SCAPER: variants seen among roughly 807,000 people sequenced by gnomAD.
SCAPER encodes S phase cyclin A-associated protein in the endoplasmic reticulum.
Under a neutral mutation model 182.2 loss-of-function variants are expected in SCAPER, and 98 were observed. The observed-to-expected ratio is 0.54, with a 90% CI of 0.46 to 0.64. The LOEUF is 0.64. Among genes scored for constraint, SCAPER ranks in the 30% least tolerant of loss-of-function variants. The pLI, the probability that SCAPER is intolerant of heterozygous loss-of-function variation, is 0.00. For synonymous variants in SCAPER, 605 were observed against 564.6 expected, an observed-to-expected ratio of 1.07 and a Z score of -1.01; for missense variants, 1,432 against 1,690.0, an observed-to-expected ratio of 0.85 and a Z score of 2.68.
At chr15:76,407,718 CATT>C (rs1256590728) in intron 26 of SCAPER, among the ~76,000 whole-genome samples, 4 of 152,136 alleles carry the variant, frequency 2.6e-5, no homozygotes, top group Non-Finnish European at 5.9e-5. Flanking sequence ...ACATGATTGA[CATT>C]ATACCGAATT....
intron 21 of SCAPER, among the ~76,000 whole-genome samples, chr15:76,626,394 GGAA>G (rs1333095780): frequency 2.0e-5 from 3 of 152,318 alleles, no homozygotes; most frequent in Non-Finnish European, 4.4e-5. Flanking sequence ...GTCTGCAGAA[GGAA>G]GAAGATGACA....
intron 5 of SCAPER, among the ~76,000 whole-genome samples, chr15:76,809,699 G>A (rs2066446504): frequency 6.6e-6 from 1 of 152,100 alleles, no homozygotes; most frequent in Admixed American, 6.6e-5. Context: ...AAGAAATGAT[G>A]GCTGAAAACT....
intron 23 of SCAPER, among the ~76,000 whole-genome samples, chr15:76,537,373 C>T (rs1017720499): frequency 5.9e-5 from 9 of 152,056 alleles, no homozygotes; most frequent in African/African-American, 1.7e-4. Flanking sequence ...AACAGAGATA[C>T]AGATCAATGG....
chr15:76,828,877 C>A (rs1476671149), intron 5 of SCAPER, among the ~76,000 whole-genome samples: 3 of 152,154 alleles, frequency 2.0e-5, no homozygotes, highest in African/African-American at 7.2e-5. Context: ...ACATTAATAT[C>A]AGACAAAACA....
At chr15:76,667,660 A>C (rs1689022010) in intron 20 of SCAPER, among the ~76,000 whole-genome samples, 1 of 127,952 alleles carries the variant, frequency 7.8e-6, no homozygotes, top group Admixed American at 8.3e-5. Context: ...AAAAAAAAAA[A>C]AACGCTCCTC....
intron 21 of SCAPER, among the ~76,000 whole-genome samples, chr15:76,663,835 G>A (rs550078163): frequency 9.9e-5 from 15 of 151,918 alleles, no homozygotes; most frequent in Admixed American, 2.6e-4. Context: ...TTTTGACATC[G>A]CCACATTGCA....
intron 8 of SCAPER, among the ~76,000 whole-genome samples, chr15:76,775,924 T>C (rs986603650): frequency 6.6e-6 from 1 of 152,186 alleles, no homozygotes; most frequent in African/African-American, 2.4e-5. Flanking sequence ...ATAGCCCCAA[T>C]TGTAAATTTT....
At chr15:76,646,196 A>G (rs113267201) in intron 21 of SCAPER, among the ~76,000 whole-genome samples, 4 of 152,274 alleles carry the variant, frequency 2.6e-5, no homozygotes, top group African/African-American at 9.6e-5. Context: ...TTAGCCCTCC[A>G]TATCTGCAGG....
chr15:76,592,893 G>A (rs1353261634), intron 22 of SCAPER, among the ~76,000 whole-genome samples: 4 of 119,830 alleles, frequency 3.3e-5, no homozygotes, highest in African/African-American at 1.0e-4. Context: ...AAACTGGGTG[G>A]ACTTTTGGGC....
chr15:76,446,700 G>A (rs924390929), intron 25 of SCAPER, among the ~76,000 whole-genome samples: 2 of 152,166 alleles, frequency 1.3e-5, no homozygotes, highest in African/African-American at 4.8e-5. Flanking sequence ...ACAGTTTAAA[G>A]AGGCAGTTAT....
Position 76,524,689 on chromosome 15 carries a change from GTTTTTTTTT to G in SCAPER, c.2839-19724_2839-19716del, listed in dbSNP as rs35944222. Reference sequence around the variant, plus strand: ...TTCTGGAGTTGTGTTTTTTTGTTCTGTTTTTTTTTTTTTTTTTTTTTTTTTTTTACCATT... The same window carrying G: ...TTCTGGAGTTGTGTTTTTTTGTTCTGTTTTTTTTTTTTTTTTTTTACCATT... On this transcript the variant is annotated intron_variant, in intron 23 of 31. Transcript: ENST00000563290. Among the ~76,000 whole-genome samples the G allele has an allele frequency of 8.2e-3, 413 of 50,126 alleles. 1 individual carries two copies. Among genetic ancestry groups the G allele is most frequent in the South Asian group, 0.022 (20 of 908 alleles). The allele number at this position is 50,126 out of a possible 152,430, so 32.9% of individuals were successfully genotyped here. A position where few individuals can be genotyped will look rare whatever the true frequency, so the allele number is the denominator to read the frequency against.
chr15:76,425,676 G>C (rs1294947229), intron 26 of SCAPER, among the ~76,000 whole-genome samples: 4 of 152,162 alleles, frequency 2.6e-5, no homozygotes, highest in African/African-American at 9.7e-5. Flanking sequence ...CGTTCCTTTG[G>C]AGGGTGAGAG....
chr15:76,642,094 C>G (rs554950612), intron 21 of SCAPER, among the ~76,000 whole-genome samples: 3 of 152,256 alleles, frequency 2.0e-5, no homozygotes, highest in African/African-American at 7.2e-5. Context: ...ATATGCTACT[C>G]AGACAAAAAT....
intron 2 of SCAPER, among the ~76,000 whole-genome samples, chr15:76,876,702 ATATT>A (rs2073189704): frequency 3.3e-5 from 5 of 152,160 alleles, no homozygotes; most frequent in Admixed American, 6.5e-5. Flanking sequence ...ATAAATTTCA[ATATT>A]TATTTATAAC....
intron 17 of SCAPER, among the ~76,000 whole-genome samples, chr15:76,717,711 T>C (rs2059965208): frequency 6.6e-6 from 1 of 152,146 alleles, no homozygotes. Flanking sequence ...GAGATCATTA[T>C]TTAATGATAA....
intron 10 of SCAPER, among the ~76,000 whole-genome samples, chr15:76,769,896 C>T (rs989456361): frequency 2.0e-5 from 3 of 152,130 alleles, no homozygotes; most frequent in African/African-American, 7.2e-5. Flanking sequence ...GATAAAGACA[C>T]ACGCACACGT....
intron 21 of SCAPER, among the ~76,000 whole-genome samples, chr15:76,652,273 A>AAAAAAAAAAAAAT (rs1207156993): frequency 7.8e-5 from 1 of 12,870 alleles, no homozygotes; most frequent in African/African-American, 3.2e-4. Flanking sequence ...AAAAAAAAAA[A>AAAAAAAAAAAAAT]ATATATATAT....
At chr15:76,771,073 A>G (rs1840319769) in intron 10 of SCAPER, among the ~76,000 whole-genome samples, 2 of 152,124 alleles carry the variant, frequency 1.3e-5, no homozygotes, top group Admixed American at 1.3e-4. Context: ...GCAGCCTTTA[A>G]AAAGTAAAAA....
chr15:76,664,917 T>C (rs561465845), intron 21 of SCAPER, among the ~76,000 whole-genome samples: 1 of 152,332 alleles, frequency 6.6e-6, no homozygotes, highest in African/African-American at 2.4e-5. Flanking sequence ...CTGTTCACTA[T>C]TATTGTACGT....
Sources: allele counts gnomAD v4.1 joint callset (sites outside exome capture counted in the v4.1 genomes callset), GRCh38; gene constraint gnomAD v4.1.1; transcripts MANE v1.5; gene names NCBI Gene and HGNC (gene_info 2026-07-23, HGNC 2026-07-21).